Variants in PALM2AKAP2 observed in about 807,000 individuals in gnomAD.
PALM2AKAP2 encodes PALM2 and AKAP2 fusion, also known as PALM2-AKAP2 fusion protein.
A neutral mutation model predicts 71.5 loss-of-function variants in PALM2AKAP2; 37 were observed. That is an observed-to-expected ratio of 0.52 (90% CI 0.40 to 0.68). PALM2AKAP2 has a LOEUF of 0.68. Among genes scored for constraint, PALM2AKAP2 ranks in the 30% least tolerant of loss-of-function variants. PALM2AKAP2 has a pLI of 0.00. For synonymous variants in PALM2AKAP2, 468 were observed against 478.8 expected, an observed-to-expected ratio of 0.98 and a Z score of 0.29; for missense variants, 1,224 against 1,191.8, an observed-to-expected ratio of 1.03 and a Z score of -0.40.
At chr9:109,901,592 C>T (rs541999240) in intron 3 of PALM2AKAP2, among the ~76,000 whole-genome samples, 1 of 152,252 alleles carries the variant, frequency 6.6e-6, no homozygotes, top group South Asian at 2.1e-4. Flanking sequence ...CTCACAGGGG[C>T]CTCTGAATGC....
intron 1 of PALM2AKAP2, among the ~76,000 whole-genome samples, chr9:109,707,547 T>G (rs1381188060): frequency 6.6e-6 from 1 of 152,190 alleles, no homozygotes; most frequent in Non-Finnish European, 1.5e-5. Context: ...ATGGCCACAC[T>G]GTGCTCAGCA....
chr9:110,109,927 A>G (rs1835207929), intron 1 of PALM2AKAP2, among the ~76,000 whole-genome samples: 1 of 152,180 alleles, frequency 6.6e-6, no homozygotes, highest in Admixed American at 6.5e-5. Context: ...TGTTGGAGAG[A>G]GGGACTGGCT....
intron 1 of PALM2AKAP2, among the ~76,000 whole-genome samples, chr9:110,122,982 G>A (rs1015088274): frequency 2.0e-5 from 3 of 152,190 alleles, no homozygotes; most frequent in Admixed American, 6.5e-5. Context: ...AGCCTAGCTT[G>A]CTGGTTTTTC....
rs184581061 is a variant in PALM2AKAP2 at position 109,926,338 on chromosome 9, G to A, written c.394+1256G>A. Among the ~76,000 whole-genome samples, 176 of 152,244 alleles carry A rather than the reference G, an allele frequency of 1.2e-3. No individual in the cohort carries two copies. In the Middle Eastern group the frequency reaches 0.037, roughly 32 times the overall value. ...TGTCTCCCCAGGTGATCTTTAGGAA[G>A]GTACTAAATTAAACTTCATGCTCTG... On this transcript the variant is annotated intron_variant, in intron 5 of 9. Coordinates refer to the PALM2AKAP2 transcript ENST00000302798.
At chr9:109,739,750 C>T (rs1031283337) in intron 1 of PALM2AKAP2, among the ~76,000 whole-genome samples, 1 of 152,190 alleles carries the variant, frequency 6.6e-6, no homozygotes, top group African/African-American at 2.4e-5. Context: ...TTCTGAGTGG[C>T]CATGATTTTG....
chr9:110,034,610 T>G (rs1376932817), intron 7 of PALM2AKAP2, among the ~76,000 whole-genome samples: 1 of 145,718 alleles, frequency 6.9e-6, no homozygotes, highest in Non-Finnish European at 1.5e-5. Context: ...TCCCCTTTTT[T>G]TTTTTTTTTT....
At chr9:109,750,875 C>T (rs1828878883) in intron 1 of PALM2AKAP2, among the ~76,000 whole-genome samples, 1 of 152,076 alleles carries the variant, frequency 6.6e-6, no homozygotes, top group Admixed American at 6.6e-5. Context: ...ACAGCATCTT[C>T]CAGATCTTTA....
chr9:109,840,675 AAAAC>A (rs1176177682), intron 1 of PALM2AKAP2, among the ~76,000 whole-genome samples: 3 of 152,350 alleles, frequency 2.0e-5, no homozygotes, highest in Admixed American at 2.0e-4. Context: ...TTACAAGAAA[AAAAC>A]AAACAACCCA....
intron 1 of PALM2AKAP2, among the ~76,000 whole-genome samples, chr9:109,692,777 G>A (rs1174639242): frequency 1.3e-5 from 2 of 151,748 alleles, no homozygotes; most frequent in African/African-American, 2.4e-5. Context: ...CTTGCCTTTG[G>A]GGATGAACCT....
At chr9:109,860,659 C>A (rs536625028) in intron 1 of PALM2AKAP2, among the ~76,000 whole-genome samples, 13 of 152,348 alleles carry the variant, frequency 8.5e-5, no homozygotes, top group African/African-American at 3.1e-4. Context: ...AACTCTTGAA[C>A]TTTAAACTGT....
chr9:109,979,001 T>C (rs573774520), intron 6 of PALM2AKAP2, among the ~76,000 whole-genome samples: 2 of 152,048 alleles, frequency 1.3e-5, no homozygotes, highest in East Asian at 3.9e-4. Flanking sequence ...TTTTTTTTTT[T>C]TCTTTTGAGG....
intron 1 of PALM2AKAP2, among the ~76,000 whole-genome samples, chr9:109,755,202 GCCACTT>G (rs1828941615): frequency 6.6e-6 from 1 of 151,974 alleles, no homozygotes; most frequent in South Asian, 2.1e-4. Context: ...ACCAGAAAAT[GCCACTT>G]CCCTGCTCAC....
intron 1 of PALM2AKAP2, among the ~76,000 whole-genome samples, chr9:109,723,224 G>T (rs531130404): frequency 1.3e-5 from 2 of 152,168 alleles, no homozygotes; most frequent in African/African-American, 4.8e-5. Flanking sequence ...GCCCATCTCC[G>T]CTAGGAAACC....
At chr9:110,006,358 C>CTTTCTTTCTTTCTTTCTTTCTT (rs1554736943) in intron 6 of PALM2AKAP2, among the ~76,000 whole-genome samples, 5 of 126,746 alleles carry the variant, frequency 3.9e-5, no homozygotes, top group African/African-American at 1.5e-4. Flanking sequence ...TTCTTTCTTT[C>CTTTCTTTCTTTCTTTCTTTCTT]TTTCTTTCTT....
intron 7 of PALM2AKAP2, among the ~76,000 whole-genome samples, chr9:110,017,620 G>A (rs1453353319): frequency 6.6e-6 from 1 of 152,206 alleles, no homozygotes; most frequent in African/African-American, 2.4e-5. Context: ...AGAGTTGCTA[G>A]TGGGAGAGAA....
intron 1 of PALM2AKAP2, among the ~76,000 whole-genome samples, chr9:109,772,772 G>T (rs1829288409): frequency 6.6e-6 from 1 of 152,180 alleles, no homozygotes; most frequent in Non-Finnish European, 1.5e-5. Context: ...TTTATCTTAT[G>T]TGTTAGCACA....
intron 1 of PALM2AKAP2, among the ~76,000 whole-genome samples, chr9:109,866,501 A>G (rs141518191): frequency 6.6e-6 from 1 of 152,176 alleles, no homozygotes; most frequent in East Asian, 1.9e-4. Flanking sequence ...TATTGTCCAC[A>G]TTGGAGAAGT....
intron 5 of PALM2AKAP2, among the ~76,000 whole-genome samples, chr9:109,931,418 A>G (rs995703036): frequency 2.6e-5 from 4 of 152,232 alleles, no homozygotes; most frequent in Non-Finnish European, 5.9e-5. Context: ...GTTGTAATGC[A>G]TATAAAATTG....
intron 3 of PALM2AKAP2, among the ~76,000 whole-genome samples, chr9:109,904,021 G>A (rs1042035235): frequency 7.9e-5 from 12 of 152,162 alleles, no homozygotes; most frequent in Non-Finnish European, 1.6e-4. Flanking sequence ...CTATTAAATA[G>A]TATGCTTTGG....
Sources: allele counts gnomAD v4.1 joint callset (sites outside exome capture counted in the v4.1 genomes callset), GRCh38; gene constraint gnomAD v4.1.1; transcripts MANE v1.5; gene names NCBI Gene and HGNC (gene_info 2026-07-23, HGNC 2026-07-21).